The following MYO1H variants were observed in gnomAD, a reference collection of about 807,000 sequenced individuals.
MYO1H encodes the protein unconventional myosin-Ih.
In MYO1H, 118 loss-of-function variants were observed where a neutral mutation model predicts 149.3. The observed-to-expected ratio is 0.79, with a 90% CI of 0.68 to 0.92. MYO1H has a LOEUF of 0.92. MYO1H is among the 40% of genes least tolerant of loss of function. MYO1H has a pLI of 0.00. For synonymous variants in MYO1H, 447 were observed against 465.2 expected, an observed-to-expected ratio of 0.96 and a Z score of 0.50; for missense variants, 1,212 against 1,280.7, an observed-to-expected ratio of 0.95 and a Z score of 0.82.
intron 1 of MYO1H, chr12:109,354,427 CT>C (rs921153327): frequency 1.4e-5 from 2 of 144,570 alleles, no homozygotes; most frequent in Non-Finnish European, 3.0e-5. Context: ...ACAGTCGAAT[CT>C]CTTGTCTCTA....
chr12:109,438,655 C>A (rs1323041737), intron 23 of MYO1H, 35 bp downstream of exon 23: 1 of 1,502,510 alleles, frequency 6.7e-7, no homozygotes, highest in Non-Finnish European at 9.2e-7. Context: ...GGACAGGTCA[C>A]TAAATGCTGG....
intron 3 of MYO1H, among the ~76,000 whole-genome samples, chr12:109,395,385 G>A (rs1869846178): frequency 6.6e-6 from 1 of 152,090 alleles, no homozygotes; most frequent in Admixed American, 6.5e-5. Flanking sequence ...CTTAGTAGCT[G>A]GCTTATTCTT....
intron 1 of MYO1H, among the ~76,000 whole-genome samples, chr12:109,378,531 C>A (rs117859615): frequency 8.6e-5 from 13 of 152,030 alleles, no homozygotes; most frequent in African/African-American, 3.1e-4. Context: ...ACTGTGCTAC[C>A]CAGGCTAGTC....
At chr12:109,370,044 G>A (rs575368136) in intron 1 of MYO1H, among the ~76,000 whole-genome samples, 112 of 152,228 alleles carry the variant, frequency 7.4e-4, no homozygotes, top group African/African-American at 2.7e-3. Flanking sequence ...GAACAGCACA[G>A]GGAAGACCCG....
At chr12:109,322,425 A>C in the MYO1H span, among the ~76,000 whole-genome samples, 2 of 152,192 alleles carry the variant, frequency 1.3e-5, no homozygotes, top group Non-Finnish European at 2.9e-5. Flanking sequence ...GTATTAATGC[A>C]TATTGATTTA....
chr12:109,444,544 C>T lies in MYO1H; in HGVS notation c.2993+15C>T, dbSNP rs765170399. On this transcript the variant is annotated intron_variant, in intron 30 of 31. Coordinates refer to ENST00000310903, the Ensembl canonical transcript of MYO1H. ...GTTCAAGGAAGGTAGGTGGCTTCAT[C>T]TTCAGCTCAGGAAGTAATTCAATGT... 1.3e-6 allele frequency: 2 copies of T among 1,589,028 alleles called. No individual in the cohort carries two copies. Among genetic ancestry groups the T allele is most frequent in the Non-Finnish European group, 1.7e-6 (2 of 1,157,452 alleles).
At chr12:109,368,531 C>T (rs1326931750) in intron 1 of MYO1H, among the ~76,000 whole-genome samples, 1 of 151,070 alleles carries the variant, frequency 6.6e-6, no homozygotes, top group Non-Finnish European at 1.5e-5. Flanking sequence ...TGGCACACAC[C>T]TTTAATCCCA....
At chr12:109,377,682 T>C (rs2137021334) in intron 1 of MYO1H, among the ~76,000 whole-genome samples, 1 of 152,364 alleles carries the variant, frequency 6.6e-6, no homozygotes, top group African/African-American at 2.4e-5. Flanking sequence ...TTTTCTCCTA[T>C]AGCAGTCTTA....
intron 1 of MYO1H, chr12:109,354,259 CCTT>C (rs932636015): frequency 1.1e-4 from 17 of 152,054 alleles, no homozygotes; most frequent in African/African-American, 3.6e-4. Context: ...GTATGCTCTT[CCTT>C]CTTCTTTTAC....
intron 19 of MYO1H, among the ~76,000 whole-genome samples, chr12:109,428,674 C>G (rs1442144112): frequency 6.6e-6 from 1 of 152,150 alleles, no homozygotes; most frequent in Non-Finnish European, 1.5e-5. Context: ...AGACTCTTTG[C>G]CTTTATTTTT....
chr12:109,420,039 C>T (rs112687492), intron 15 of MYO1H, among the ~76,000 whole-genome samples: 1 of 152,092 alleles, frequency 6.6e-6, no homozygotes, highest in South Asian at 2.1e-4. Context: ...AGCCATGGTG[C>T]TTGAGTTTGT....
chr12:109,319,876 A>G, the MYO1H span, among the ~76,000 whole-genome samples: 24 of 152,318 alleles, frequency 1.6e-4, no homozygotes, highest in Admixed American at 8.5e-4. Flanking sequence ...CCCCCAGCTT[A>G]GAACCACTGG....
the MYO1H span, among the ~76,000 whole-genome samples, chr12:109,314,839 C>A: frequency 6.6e-6 from 1 of 152,166 alleles, no homozygotes; most frequent in African/African-American, 2.4e-5. Context: ...TGGGCTCACA[C>A]CTGTAATCCC....
chr12:109,347,123 G>A (rs550031297), upstream of MYO1H, among the ~76,000 whole-genome samples: 2 of 152,306 alleles, frequency 1.3e-5, no homozygotes, highest in East Asian at 3.9e-4. Context: ...GTTTAGGTTC[G>A]AATGAACCCA....
chr12:109,314,647 A>G, the MYO1H span, among the ~76,000 whole-genome samples: 1 of 151,942 alleles, frequency 6.6e-6, no homozygotes, highest in Non-Finnish European at 1.5e-5. Flanking sequence ...TCACTTCCCC[A>G]TCTCTCAAAA....
chr12:109,445,298 C>T (rs1872431683), intron 30 of MYO1H: 2 of 481,312 alleles, frequency 4.2e-6, no homozygotes, highest in South Asian at 6.2e-5. Context: ...ACTGAATGTG[C>T]TCATTTGATC....
chr12:109,407,840 C>G (rs1404204023), exon 10 of MYO1H: 6 of 1,613,768 alleles, frequency 3.7e-6, no homozygotes, highest in African/African-American at 1.3e-5. Flanking sequence ...GCTAGAGATG[C>G]AATGGCAAAG....
At chr12:109,371,432 G>A (rs777117609) in intron 1 of MYO1H, among the ~76,000 whole-genome samples, 1 of 151,846 alleles carries the variant, frequency 6.6e-6, no homozygotes, top group East Asian at 1.9e-4. Flanking sequence ...TGCCCAGGCT[G>A]GTCTCAAACT....
At chr12:109,427,064 C>A (rs901826483) in intron 18 of MYO1H, among the ~76,000 whole-genome samples, 4 of 152,128 alleles carry the variant, frequency 2.6e-5, no homozygotes, top group African/African-American at 9.6e-5. Context: ...GCCTGTAATC[C>A]CAGCATTTTG....
Sources: allele counts gnomAD v4.1 joint callset (sites outside exome capture counted in the v4.1 genomes callset), GRCh38; gene constraint gnomAD v4.1.1; transcripts MANE v1.5; gene names NCBI Gene and HGNC (gene_info 2026-07-23, HGNC 2026-07-21).